ZNF257: variants seen among roughly 807,000 people sequenced by gnomAD.
The protein encoded by ZNF257 is bone marrow zinc finger 4.
ZNF257 carries 12 observed loss-of-function variants against 11.9 expected under a neutral mutation model. The ratio of observed to expected loss-of-function variants is 1.01; its 90% CI spans 0.65 to 1.63. The LOEUF is 1.63. Among genes scored for constraint, ZNF257 ranks in the 40% most tolerant of loss-of-function variants. ZNF257 has a pLI of 0.00. For synonymous variants in ZNF257, 183 were observed against 222.7 expected (o/e 0.82, Z 1.59); for missense variants, 580 against 665.5 (o/e 0.87, Z 1.41).
chr19:22,073,609 G>C, intron 3 of ZNF257, 45 bp downstream of exon 3: 1 of 1,582,334 alleles, frequency 6.3e-7, no homozygotes, highest in Non-Finnish European at 8.6e-7. Flanking sequence ...ACAGATGAGA[G>C]ATCCACAGGT....
intron 3 of ZNF257, among the ~76,000 whole-genome samples, chr19:22,083,618 G>A (rs1235237392): frequency 6.6e-6 from 1 of 152,036 alleles, no homozygotes; most frequent in African/African-American, 2.4e-5. Context: ...CATAATTGCT[G>A]AAGTGTTTTT....
At position 22,073,521 on chromosome 19, in the gene ZNF257, GC is replaced by G; in HGVS notation, c.186del (p.Cys63ValfsTer3). The G allele has an allele frequency of 2.5e-6, 4 of 1,612,260 alleles. No individual in the cohort carries two copies. Among genetic ancestry groups the G allele is most frequent in the Non-Finnish European group, 3.4e-6 (4 of 1,179,208 alleles). ...TCACCTGTCTGGAGCAAGGAAAAGAGCCCTGTAATATGAAGAGACATGAGAT... is the reference window on the plus strand; with the variant it reads ...TCACCTGTCTGGAGCAAGGAAAAGAGCCTGTAATATGAAGAGACATGAGAT... ...LITCLEQGKE[P>X]CNMKRHEMVA... On this transcript the variant is annotated frameshift_variant, in exon 3 of 4. Coordinates refer to ENST00000594947, the MANE Select transcript of ZNF257 (RefSeq NM_033468.4). LOFTEE classifies it low-confidence loss of function (END_TRUNC).
At chr19:22,057,190 G>C (rs1413120517) in intron 1 of ZNF257, among the ~76,000 whole-genome samples, 2 of 151,752 alleles carry the variant, frequency 1.3e-5, no homozygotes, top group African/African-American at 4.8e-5. Context: ...TTTCTTATTG[G>C]GTATGAAATA....
At chr19:22,073,650 T>C (rs2022162009) in intron 3 of ZNF257, 86 bp downstream of exon 3, 2 of 1,482,350 alleles carry the variant, frequency 1.3e-6, no homozygotes, top group Non-Finnish European at 1.8e-6. Flanking sequence ...AAAATGTCAT[T>C]TCGGAAGCTG....
Position 22,088,660 on chromosome 19 carries a change from A to T in ZNF257, c.910A>T (p.Thr304Ser). ...GTGGTCCTCAGCTCTTACTACCCTT[A>T]CTCAACATAAGAGAATTCATACTGG... ...FKWSSALTTL[T>S]QHKRIHTGEK... Residue 304 changes from threonine (T) to serine (S), a missense_variant, in exon 4 of 4, where the codon ACT (threonine) becomes TCT (serine). By Grantham distance (58) the Thr-to-Ser change is moderately conservative. Coordinates refer to ENST00000594947, the MANE Select transcript of ZNF257 (RefSeq NM_033468.4). 2 of 1,613,626 alleles carry T rather than the reference A, an allele frequency of 1.2e-6. No homozygotes were observed. The highest frequency in any genetic ancestry group is 1.7e-6 in the Non-Finnish European group (2 of 1,179,884).
intron 1 of ZNF257, among the ~76,000 whole-genome samples, chr19:22,067,941 C>T (rs7250905): frequency 0.23 from 35,360 of 150,906 alleles, 5,718 homozygotes; most frequent in African/African-American, 0.46. Flanking sequence ...CAAGTAGCAT[C>T]AATTTAACTA....
intron 1 of ZNF257, among the ~76,000 whole-genome samples, chr19:22,064,926 C>T (rs938039311): frequency 6.6e-6 from 1 of 151,682 alleles, no homozygotes. Flanking sequence ...TGGTGGCACG[C>T]GCCTATAGTC....
intron 1 of ZNF257, among the ~76,000 whole-genome samples, chr19:22,069,669 A>G (rs2022050124): frequency 6.6e-6 from 1 of 152,250 alleles, no homozygotes; most frequent in African/African-American, 2.4e-5. Context: ...TCATCACCTG[A>G]AGGGATGTTT....
intron 1 of ZNF257, among the ~76,000 whole-genome samples, chr19:22,060,980 C>T (rs1342204722): frequency 6.6e-6 from 1 of 152,114 alleles, no homozygotes; most frequent in East Asian, 1.9e-4. Flanking sequence ...TTGTTTTGGT[C>T]TCTGAGCCTG....
chr19:22,075,528 ACTG>A (rs2022206197), intron 3 of ZNF257: 2 of 152,232 alleles, frequency 1.3e-5, no homozygotes, highest in African/African-American at 4.8e-5. Context: ...CCTCTCCCAG[ACTG>A]CGGCTGAAAG....
intron 2 of ZNF257, 43 bp downstream of exon 2, chr19:22,072,978 G>C (rs776129921): frequency 3.4e-6 from 5 of 1,486,308 alleles, no homozygotes; most frequent in Non-Finnish European, 4.4e-6. Flanking sequence ...TACTCCAAAG[G>C]CTTTATTTTT....
chr19:22,053,808 C>T (rs2021550059), intron 1 of ZNF257, among the ~76,000 whole-genome samples: 1 of 151,908 alleles, frequency 6.6e-6, no homozygotes, highest in African/African-American at 2.4e-5. Context: ...GCCTGTAATC[C>T]CAGCTACTCC....
intron 1 of ZNF257, among the ~76,000 whole-genome samples, chr19:22,062,636 CCA>C (rs2021834942): frequency 6.6e-6 from 1 of 152,006 alleles, no homozygotes; most frequent in Non-Finnish European, 1.5e-5. Flanking sequence ...GCATGCGCCA[CCA>C]CACCCGGATA....
chr19:22,056,580 C>A (rs1323722069), intron 1 of ZNF257, among the ~76,000 whole-genome samples: 1 of 151,636 alleles, frequency 6.6e-6, no homozygotes, highest in Non-Finnish European at 1.5e-5. Context: ...GGTTCACACC[C>A]TTCTCCTGCC....
chr19:22,070,603 A>G (rs1208022474), intron 1 of ZNF257, among the ~76,000 whole-genome samples: 2 of 152,020 alleles, frequency 1.3e-5, no homozygotes, highest in Middle Eastern at 3.2e-3. Context: ...TCCTCTGTAT[A>G]CTCTACAGAG....
chr19:22,083,523 C>A (rs1448192332), intron 3 of ZNF257, among the ~76,000 whole-genome samples: 1 of 152,052 alleles, frequency 6.6e-6, no homozygotes, highest in African/African-American at 2.4e-5. Flanking sequence ...TTCATTTTTA[C>A]TTGTCAAAAA....
chr19:22,066,160 G>A (rs944413365), intron 1 of ZNF257: 1 of 153,296 alleles, frequency 6.5e-6, no homozygotes, highest in African/African-American at 2.4e-5. Context: ...TTGGGTGTCT[G>A]TTTTAGAAGC....
At chr19:22,069,181 G>C (rs2022035198) in intron 1 of ZNF257, among the ~76,000 whole-genome samples, 1 of 152,082 alleles carries the variant, frequency 6.6e-6, no homozygotes, top group Non-Finnish European at 1.5e-5. Context: ...AGCAGTCATG[G>C]TCCCTACCAT....
In ZNF257 at chr19:22,089,348, A is replaced by C. The variant is rs369615066; in HGVS notation, c.1598A>C (p.His533Pro). 3 of 1,613,604 alleles carry C rather than the reference A, an allele frequency of 1.9e-6. No homozygotes were observed. In the African/African-American group the frequency reaches 4.0e-5, roughly 22 times the overall value. ...PFNRFSYLTV[H>P]KRIHAGENPN... ...AATCGTTTCTCATACCTTACCGTACATAAGAGAATTCATGCTGGAGAGAAC... is the reference window on the plus strand; with the variant it reads ...AATCGTTTCTCATACCTTACCGTACCTAAGAGAATTCATGCTGGAGAGAAC... The change falls in exon 4 of 4, where the codon CAT (histidine) becomes CCT (proline). Residue 533 changes from histidine (H) to proline (P), a missense_variant. By Grantham distance (77) the His-to-Pro change is moderately conservative. Transcript: ENST00000594947.
Sources: allele counts gnomAD v4.1 joint callset (sites outside exome capture counted in the v4.1 genomes callset), GRCh38; gene constraint gnomAD v4.1.1; transcripts MANE v1.5; gene names NCBI Gene and HGNC (gene_info 2026-07-23, HGNC 2026-07-21).